CD38: variants seen among roughly 807,000 people sequenced by gnomAD.
CD38 encodes CD38 molecule.
In CD38, 31 loss-of-function variants were observed where a neutral mutation model predicts 36.3. That is an observed-to-expected ratio of 0.85 (90% CI 0.64 to 1.15). The LOEUF is 1.15. Among genes scored for constraint, CD38 ranks in the 50% most tolerant of loss-of-function variants. CD38 has a pLI of 0.00. For synonymous variants in CD38, 131 were observed against 135.2 expected (o/e 0.97, Z 0.22); for missense variants, 380 against 371.9 (o/e 1.02, Z -0.18).
chr4:15,827,850 C>A (rs1219699489), intron 3 of CD38, among the ~76,000 whole-genome samples: 1 of 151,800 alleles, frequency 6.6e-6, no homozygotes, highest in African/African-American at 2.4e-5. Context: ...TTAATTTCTT[C>A]TTATTTTATA....
At chr4:15,819,931 G>A (rs1208142026) in intron 2 of CD38, among the ~76,000 whole-genome samples, 1 of 151,868 alleles carries the variant, frequency 6.6e-6, no homozygotes, top group Non-Finnish European at 1.5e-5. Context: ...TCAACCCCAA[G>A]ACACATAATC....
intron 7 of CD38, among the ~76,000 whole-genome samples, chr4:15,847,645 G>A (rs6823847): frequency 3.3e-5 from 4 of 121,600 alleles, no homozygotes; most frequent in Non-Finnish European, 6.6e-5. Flanking sequence ...GATATCTGAC[G>A]AGTCTAAGCT....
At chr4:15,830,402 A>G (rs547971146) in intron 3 of CD38, among the ~76,000 whole-genome samples, 1 of 152,258 alleles carries the variant, frequency 6.6e-6, no homozygotes, top group South Asian at 2.1e-4. Flanking sequence ...TTTGAGAAAT[A>G]TGTATTCAAA....
intron 1 of CD38, among the ~76,000 whole-genome samples, chr4:15,811,728 G>T (rs963558844): frequency 6.6e-6 from 1 of 152,198 alleles, no homozygotes; most frequent in Non-Finnish European, 1.5e-5. Context: ...TTTATCGTGA[G>T]GTTGACTTGC....
At chr4:15,806,551 C>T (rs561055254) in intron 1 of CD38, among the ~76,000 whole-genome samples, 7 of 152,252 alleles carry the variant, frequency 4.6e-5, no homozygotes, top group African/African-American at 1.4e-4. Context: ...GGTGAATGCT[C>T]TTTGGTGATC....
chr4:15,816,747 A>G, intron 2 of CD38, 107 bp downstream of exon 2: 1 of 1,205,182 alleles, frequency 8.3e-7, no homozygotes, highest in South Asian at 1.2e-5. Flanking sequence ...AAATCCAGAC[A>G]TTATAGTGTG....
At chr4:15,782,438 A>G (rs1722719874) in intron 1 of CD38, among the ~76,000 whole-genome samples, 1 of 152,106 alleles carries the variant, frequency 6.6e-6, no homozygotes, top group Non-Finnish European at 1.5e-5. Context: ...CCTTTTATCA[A>G]TTAGCTTTTA....
At chr4:15,835,491 C>T (rs1003566963) in intron 4 of CD38, among the ~76,000 whole-genome samples, 5 of 149,550 alleles carry the variant, frequency 3.3e-5, no homozygotes, top group African/African-American at 1.2e-4. Flanking sequence ...GATTCTCCTA[C>T]CTCAGCCTCC....
chr4:15,790,457 C>T (rs1030185851), intron 1 of CD38, among the ~76,000 whole-genome samples: 1 of 152,004 alleles, frequency 6.6e-6, no homozygotes, highest in Non-Finnish European at 1.5e-5. Context: ...GGATTGCGGA[C>T]GGAGTCTCGT....
At chr4:15,793,928 T>C (rs1342189152) in intron 1 of CD38, among the ~76,000 whole-genome samples, 1 of 152,236 alleles carries the variant, frequency 6.6e-6, no homozygotes, top group Non-Finnish European at 1.5e-5. Context: ...AGAGAAAGAC[T>C]GTGGTAAAGC....
At chr4:15,787,560 T>G (rs1020312748) in intron 1 of CD38, among the ~76,000 whole-genome samples, 1 of 152,194 alleles carries the variant, frequency 6.6e-6, no homozygotes, top group Non-Finnish European at 1.5e-5. Flanking sequence ...GTCACTGGCC[T>G]CCTTTTAGGG....
At chr4:15,822,190 C>A (rs1459928905) in intron 2 of CD38, among the ~76,000 whole-genome samples, 1 of 151,990 alleles carries the variant, frequency 6.6e-6, no homozygotes, top group Non-Finnish European at 1.5e-5. Flanking sequence ...AAGGAACATA[C>A]CTCAAAATAA....
intron 5 of CD38, 118 bp downstream of exon 5, chr4:15,838,283 C>A: frequency 3.8e-6 from 3 of 784,966 alleles, no homozygotes; most frequent in Non-Finnish European, 4.1e-6. Context: ...AGATTAGGGC[C>A]AAAAAAGGTA....
intron 1 of CD38, among the ~76,000 whole-genome samples, chr4:15,787,904 C>T (rs993715453): frequency 1.1e-4 from 16 of 152,198 alleles, no homozygotes; most frequent in African/African-American, 1.7e-4. Flanking sequence ...GGAGCAGTCT[C>T]GCCAGAGGAT....
intron 1 of CD38, among the ~76,000 whole-genome samples, chr4:15,796,314 A>T (rs1241133223): frequency 6.6e-6 from 1 of 152,156 alleles, no homozygotes; most frequent in Non-Finnish European, 1.5e-5. Flanking sequence ...TTTATCTCTG[A>T]AAACTGTATA....
intron 7 of CD38, among the ~76,000 whole-genome samples, chr4:15,843,308 C>A (rs1241192345): frequency 2.0e-4 from 14 of 68,478 alleles, no homozygotes; most frequent in Non-Finnish European, 3.4e-4. Context: ...TCCAGCCAAA[C>A]TAAGCTTCAT....
intron 2 of CD38, among the ~76,000 whole-genome samples, chr4:15,821,931 C>T (rs1346234711): frequency 6.6e-6 from 1 of 151,476 alleles, no homozygotes; most frequent in Admixed American, 6.6e-5. Flanking sequence ...AACATCGATA[C>T]AAAAATTCTC....
intron 2 of CD38, among the ~76,000 whole-genome samples, chr4:15,818,589 C>G (rs541958820): frequency 6.6e-6 from 1 of 152,298 alleles, no homozygotes; most frequent in African/African-American, 2.4e-5. Context: ...CGATAGACAC[C>G]TCATACAGGA....
In CD38 at chr4:15,853,109, A is replaced by G. The variant is rs1724433892; in HGVS notation, c.*4507A>G. The G allele has an allele frequency of 6.6e-6, 1 of 152,194 alleles. No homozygotes were observed. The highest frequency in any genetic ancestry group is 2.1e-4 in the South Asian group (1 of 4,828). 9.4% of individuals were successfully genotyped at this position (152,194 alleles called of 1,614,324 possible). On this transcript the variant is annotated 3_prime_UTR_variant, in exon 8 of 8. Coordinates refer to ENST00000226279, the MANE Select transcript of CD38 (RefSeq NM_001775.4). The stretch of plus-strand genomic sequence containing the variant: ...ATGCAAGTAGCGCAAGGCGGTGGAA[A>G]CTATGGAATTCGGAGGCAGGTGATG...
Sources: gnomAD v4.1 joint callset for allele counts (sites outside exome capture counted in the v4.1 genomes callset) on GRCh38, gnomAD v4.1.1 for gene constraint, MANE v1.5 for transcripts, NCBI Gene and HGNC (gene_info 2026-07-23, HGNC 2026-07-21) for gene names.